The following NRG3 variants were observed in gnomAD, a reference collection of about 807,000 sequenced individuals.
NRG3 encodes pro-neuregulin-3, membrane-bound isoform.
In NRG3, 31 loss-of-function variants were observed where a neutral mutation model predicts 66.9. The observed-to-expected ratio is 0.46, with a 90% CI of 0.35 to 0.63. NRG3 has a LOEUF of 0.63. Ranked by LOEUF, NRG3 falls within the 20% of genes least tolerant of loss-of-function variation. The pLI is 0.00. For missense variants in NRG3, 910 were observed against 878.9 expected, an observed-to-expected ratio of 1.04 and a Z score of -0.45; for synonymous variants, 393 against 359.4, an observed-to-expected ratio of 1.09 and a Z score of -1.06.
chr10:82,904,455 T>A (rs1351572940), intron 4 of NRG3, among the ~76,000 whole-genome samples: 4 of 152,158 alleles, frequency 2.6e-5, no homozygotes, highest in African/African-American at 9.7e-5. Context: ...GAGCAGCATT[T>A]AAACCGGAAG....
chr10:82,017,868 A>T (rs1224424139), intron 1 of NRG3, among the ~76,000 whole-genome samples: 1 of 151,752 alleles, frequency 6.6e-6, no homozygotes, highest in African/African-American at 2.4e-5. Context: ...GATTGCAAAA[A>T]TTTTCTCCCA....
chr10:82,842,453 G>A (rs1459180419), intron 3 of NRG3, among the ~76,000 whole-genome samples: 2 of 152,052 alleles, frequency 1.3e-5, no homozygotes, highest in Admixed American at 6.6e-5. Flanking sequence ...TCTTACATTG[G>A]TCAGAACTCA....
chr10:82,201,644 AGG>A (rs911288078), intron 1 of NRG3, among the ~76,000 whole-genome samples: 3 of 152,090 alleles, frequency 2.0e-5, no homozygotes, highest in Non-Finnish European at 4.4e-5. Context: ...AAACTGGTAA[AGG>A]GGGTATCTTT....
chr10:82,388,668 A>C, intron 2 of NRG3, among the ~76,000 whole-genome samples: 1 of 152,206 alleles, frequency 6.6e-6, no homozygotes, highest in Admixed American at 6.5e-5. Flanking sequence ...AATTAGTACA[A>C]GATTTCATCT....
chr10:82,024,160 T>A (rs530943895), intron 1 of NRG3, among the ~76,000 whole-genome samples: 1 of 151,408 alleles, frequency 6.6e-6, no homozygotes, highest in African/African-American at 2.4e-5. Flanking sequence ...GAATATCCTC[T>A]AGTGAGTCTC....
chr10:82,566,970 G>A (rs1446993011), intron 2 of NRG3, among the ~76,000 whole-genome samples: 2 of 151,850 alleles, frequency 1.3e-5, no homozygotes, highest in African/African-American at 2.4e-5. Context: ...TTCATGTAGA[G>A]TTGCTGTAGG....
intron 1 of NRG3, among the ~76,000 whole-genome samples, chr10:82,083,909 G>T (rs1022843649): frequency 6.6e-6 from 1 of 151,772 alleles, no homozygotes; most frequent in African/African-American, 2.4e-5. Flanking sequence ...CAGCCACTGT[G>T]CCTGGACCAT....
intron 1 of NRG3, among the ~76,000 whole-genome samples, chr10:82,085,345 A>G (rs1450555247): frequency 6.6e-6 from 1 of 152,198 alleles, no homozygotes; most frequent in African/African-American, 2.4e-5. Context: ...ATATAGGATA[A>G]GCAGGGTGTT....
intron 1 of NRG3, among the ~76,000 whole-genome samples, chr10:81,996,724 AAGG>A (rs2060953519): frequency 6.6e-6 from 1 of 152,014 alleles, no homozygotes; most frequent in African/African-American, 2.4e-5. Context: ...GGGAGAGAGA[AAGG>A]AGGGAGAGGA....
intron 2 of NRG3, among the ~76,000 whole-genome samples, chr10:82,424,235 A>G (rs1325179207): frequency 6.6e-6 from 1 of 152,024 alleles, no homozygotes; most frequent in African/African-American, 2.4e-5. Flanking sequence ...TCTGTTTTGC[A>G]AAGTGGCTCT....
chr10:82,405,417 T>C (rs2087434469), intron 2 of NRG3, among the ~76,000 whole-genome samples: 1 of 151,282 alleles, frequency 6.6e-6, no homozygotes, highest in Admixed American at 6.6e-5. Context: ...AGATTGTTCA[T>C]GAAAGTACCT....
chr10:82,184,908 C>A (rs370974882), intron 1 of NRG3, among the ~76,000 whole-genome samples: 6 of 152,254 alleles, frequency 3.9e-5, no homozygotes, highest in Admixed American at 1.3e-4. Flanking sequence ...ACATTTATAT[C>A]TAATTTGAAA....
At chr10:82,803,768 A>T (rs1039153081) in intron 3 of NRG3, among the ~76,000 whole-genome samples, 3 of 151,948 alleles carry the variant, frequency 2.0e-5, no homozygotes, top group Non-Finnish European at 4.4e-5. Context: ...TTCTCACAGG[A>T]TCGTGGGGAA....
At chr10:82,614,469 A>G (rs1475436985) in intron 2 of NRG3, among the ~76,000 whole-genome samples, 1 of 152,228 alleles carries the variant, frequency 6.6e-6, no homozygotes, top group Non-Finnish European at 1.5e-5. Context: ...TAAAAGTTGA[A>G]TTTAACAAGC....
intron 2 of NRG3, among the ~76,000 whole-genome samples, chr10:82,429,012 A>G (rs1040860938): frequency 2.0e-5 from 3 of 151,954 alleles, no homozygotes; most frequent in Non-Finnish European, 4.4e-5. Context: ...CTTTCGCCTG[A>G]TAGTATGTTT....
chr10:82,467,913 GTA>G (rs147230856), intron 2 of NRG3, among the ~76,000 whole-genome samples: 2,076 of 152,106 alleles, frequency 0.014, 20 homozygotes, highest in Non-Finnish European at 0.021. Flanking sequence ...GTGTGTGTGT[GTA>G]TGTGTGTGTG....
intron 3 of NRG3, among the ~76,000 whole-genome samples, chr10:82,781,666 C>G (rs1417384038): frequency 6.6e-6 from 1 of 152,098 alleles, no homozygotes; most frequent in African/African-American, 2.4e-5. Flanking sequence ...ACACATCCCA[C>G]CCTTACACAC....
At chr10:82,258,913 G>T (rs747502621) in intron 1 of NRG3, among the ~76,000 whole-genome samples, 54 of 152,134 alleles carry the variant, frequency 3.5e-4, no homozygotes, top group African/African-American at 8.7e-4. Flanking sequence ...AATTTTACTT[G>T]GAACTCGGGA....
At chr10:82,417,245 C>T (rs1201831446) in intron 2 of NRG3, among the ~76,000 whole-genome samples, 1 of 152,092 alleles carries the variant, frequency 6.6e-6, no homozygotes, top group East Asian at 1.9e-4. Flanking sequence ...ATGCTGCATG[C>T]CCAGAGGTGA....
Sources: allele counts gnomAD v4.1 joint callset (sites outside exome capture counted in the v4.1 genomes callset), GRCh38; gene constraint gnomAD v4.1.1; transcripts MANE v1.5; gene names NCBI Gene and HGNC (gene_info 2026-07-23, HGNC 2026-07-21).